AGPS: variants seen among roughly 807,000 people sequenced by gnomAD.
The protein encoded by AGPS is alkylglycerone phosphate synthase.
Under a neutral mutation model 90.7 loss-of-function variants are expected in AGPS, and 26 were observed. That is an observed-to-expected ratio of 0.29 (90% confidence interval 0.21 to 0.40). The LOEUF (loss-of-function observed/expected upper bound fraction) is 0.40, where lower values mean the gene tolerates loss of function less well. AGPS is among the 10% of genes least tolerant of loss of function. AGPS has a pLI of 1.00. For missense variants in AGPS, 540 were observed against 816.1 expected (o/e 0.66, Z 4.12); for synonymous variants, 294 against 285.3 (o/e 1.03, Z -0.31).
chr2:177,456,609 T>C (rs1221204475), intron 8 of AGPS, among the ~76,000 whole-genome samples: 2 of 152,198 alleles, frequency 1.3e-5, no homozygotes, highest in Admixed American at 1.3e-4. Context: ...CTGGTTTTTT[T>C]GGTATCTGTA....
rs1006695222 is a variant in AGPS at position 177,411,649 on chromosome 2, A to G, written c.261-8620A>G. 2.0e-5 allele frequency among the ~76,000 whole-genome samples: 3 copies of G among 152,290 alleles called. No homozygotes were observed. In the East Asian group the frequency reaches 5.8e-4, roughly 29 times the overall value. Reference sequence around the variant, plus strand: ...TCTAGCAGTAACATTATATTTTTCCATGTCAGATCAAAGGATTGTCCTAAC... The same window carrying G: ...TCTAGCAGTAACATTATATTTTTCCGTGTCAGATCAAAGGATTGTCCTAAC... On this transcript the variant is annotated intron_variant, in intron 1 of 19. Coordinates refer to ENST00000264167, the MANE Select transcript of AGPS (RefSeq NM_003659.4).
Position 177,392,847 on chromosome 2 carries a change from G to A in AGPS, c.58G>A (p.Gly20Arg), listed in dbSNP as rs1012036383. The A allele has an allele frequency of 3.9e-5, 60 of 1,552,234 alleles. No individual in the cohort carries two copies. Among genetic ancestry groups the A allele is most frequent in the Non-Finnish European group, 5.0e-5 (58 of 1,153,706 alleles). The change falls in exon 1 of 20, where the codon GGG becomes AGG. Residue 20 changes from glycine to arginine, a missense_variant. Physicochemically the swap from Gly to Arg is moderately radical, Grantham distance 125 (BLOSUM62 -2). Around this residue, in one of 2 missense-constraint regions of AGPS, gnomAD observed 135 missense variants for 124.0 expected, o/e 1.09. Transcript: ENST00000264167. Reference protein sequence around the residue: ...GTGLGAGASYGSAADRDRDPD... With the variant: ...GTGLGAGASYRSAADRDRDPD... ...TGGCTTGGGCGCGGGCGCGAGCTAC[G>A]GGTCTGCAGCGGACCGGGACCGGGA...
At chr2:177,425,551 G>A (rs1228364699) in intron 2 of AGPS, among the ~76,000 whole-genome samples, 1 of 150,316 alleles carries the variant, frequency 6.7e-6, no homozygotes, top group East Asian at 2.0e-4. Flanking sequence ...AACCCGGGAG[G>A]TGGAGGTTGC....
chr2:177,419,017 G>A (rs559230221), intron 1 of AGPS, among the ~76,000 whole-genome samples: 1 of 152,002 alleles, frequency 6.6e-6, no homozygotes, highest in Admixed American at 6.5e-5. Flanking sequence ...TGAAGTTTTT[G>A]TAGAGGGACT....
At chr2:177,495,937 A>C (rs1420481903) in intron 12 of AGPS, among the ~76,000 whole-genome samples, 3 of 137,582 alleles carry the variant, frequency 2.2e-5, no homozygotes. Context: ...AAAAAAAAAA[A>C]ACAAACCCAC....
intron 9 of AGPS, 62 bp downstream of exon 9, chr2:177,462,080 AT>A: frequency 7.2e-7 from 1 of 1,392,022 alleles, no homozygotes; most frequent in South Asian, 1.3e-5. Flanking sequence ...TTATAAAATG[AT>A]TAGAAGCCTT....
intron 13 of AGPS, among the ~76,000 whole-genome samples, chr2:177,498,341 G>T (rs1688467945): frequency 6.7e-6 from 1 of 149,678 alleles, no homozygotes; most frequent in Admixed American, 6.6e-5. Flanking sequence ...AGGTGGTGGT[G>T]GGGGGTGTGC....
At chr2:177,507,238 AAACTT>A (rs1214235954) in intron 15 of AGPS, among the ~76,000 whole-genome samples, 5 of 152,084 alleles carry the variant, frequency 3.3e-5, no homozygotes, top group African/African-American at 1.2e-4. Context: ...CTTGAAGTGA[AAACTT>A]AACATATGTT....
chr2:177,442,272 G>C (rs1574370492), intron 6 of AGPS, 135 bp from the exon 7 acceptor site: 3 of 705,488 alleles, frequency 4.3e-6, no homozygotes. Context: ...TTTGCAAGTT[G>C]TATTTTGCAA....
intron 1 of AGPS, among the ~76,000 whole-genome samples, chr2:177,414,967 A>T (rs931858729): frequency 6.6e-6 from 1 of 151,148 alleles, no homozygotes; most frequent in African/African-American, 2.4e-5. Context: ...TATAAATAAT[A>T]TATCTGGATA....
rs139133686 is a variant in AGPS, at chr2:177,394,895, A to G, written c.260+1846A>G. Among the ~76,000 whole-genome samples, 381 of 152,326 alleles carry G rather than the reference A, an allele frequency of 2.5e-3. 3 individuals are homozygous for G. Among genetic ancestry groups the G allele is most frequent in the African/African-American group, 8.8e-3 (366 of 41,578 alleles). On this transcript the variant is annotated intron_variant, in intron 1 of 19. Coordinates refer to ENST00000264167, the MANE Select transcript of AGPS (RefSeq NM_003659.4). The stretch of plus-strand genomic sequence containing the variant: ...CTAAAGGCAGAGAGACTAGGAGACT[A>G]TTATTCCAGGGAGAAATGCTGGGAT...
intron 11 of AGPS, among the ~76,000 whole-genome samples, chr2:177,489,978 C>A (rs999048083): frequency 1.3e-5 from 2 of 152,174 alleles, no homozygotes; most frequent in Non-Finnish European, 2.9e-5. Context: ...TAGTAAATAA[C>A]ATGGGAGTGA....
intron 9 of AGPS, among the ~76,000 whole-genome samples, chr2:177,465,830 T>C (rs1360015165): frequency 6.6e-6 from 1 of 152,230 alleles, no homozygotes; most frequent in African/African-American, 2.4e-5. Context: ...TCTCCTTCTC[T>C]TTCCTCTCTT....
chr2:177,513,728 A>G (rs1264889525), intron 16 of AGPS, 91 bp from the exon 17 acceptor site: 1 of 926,240 alleles, frequency 1.1e-6, no homozygotes, highest in East Asian at 2.5e-5. Flanking sequence ...AAAATGTCAG[A>G]CTTGAATGAT....
chr2:177,507,954 G>T lies in AGPS; in HGVS notation c.1546-16G>T, dbSNP rs775963846. ...TCTGTTGTAGTTTCTTGATTTTTCT[G>T]TTTGTGTCTTAATAGGACTTGGCTT... On this transcript the variant is annotated splice_polypyrimidine_tract_variant and intron_variant, in intron 15 of 19. Transcript: ENST00000264167. 1 of 1,596,636 alleles carries T rather than the reference G, an allele frequency of 6.3e-7. No individual in the cohort carries two copies. The highest frequency in any genetic ancestry group is 2.2e-5 in the East Asian group (1 of 44,726).
chr2:177,425,014 C>T lies in AGPS; in HGVS notation c.350+4656C>T, dbSNP rs553297146. Among the ~76,000 whole-genome samples the T allele has an allele frequency of 1.1e-4, 16 of 152,188 alleles. 2 individuals are homozygous for T. In the Middle Eastern group the frequency reaches 0.01, roughly 97 times the overall value. ...TGCTCCGATTGCAAAAATTTTCTCC[C>T]GTTCTGTAGGTTGTCTGTTCACTCT... is the stretch of plus-strand genomic sequence containing the variant. On this transcript the variant is annotated intron_variant, in intron 2 of 19. Coordinates refer to ENST00000264167, the MANE Select transcript of AGPS (RefSeq NM_003659.4).
intron 16 of AGPS, among the ~76,000 whole-genome samples, chr2:177,511,212 A>G (rs995434350): frequency 6.6e-6 from 1 of 151,920 alleles, no homozygotes; most frequent in Non-Finnish European, 1.5e-5. Flanking sequence ...TGATTCTCCC[A>G]TCTTGGCCTC....
chr2:177,464,250 TATTTTTAACTTAA>T (rs1390831917), intron 9 of AGPS, among the ~76,000 whole-genome samples: 4 of 152,210 alleles, frequency 2.6e-5, no homozygotes, highest in Non-Finnish European at 4.4e-5. Flanking sequence ...CAGCACGTTT[TATTTTTAACTTAA>T]ATTTTTAACT....
intron 1 of AGPS, among the ~76,000 whole-genome samples, chr2:177,409,598 C>CG (rs1217051201): frequency 6.6e-6 from 1 of 152,076 alleles, no homozygotes; most frequent in Non-Finnish European, 1.5e-5. Context: ...CAGGAAAACT[C>CG]AAGTGCTGTT....
Sources: allele counts gnomAD v4.1 joint callset (sites outside exome capture counted in the v4.1 genomes callset), GRCh38; gene constraint gnomAD v4.1.1; regional missense constraint gnomAD v4.1.1; transcripts MANE v1.5; gene names NCBI Gene and HGNC (gene_info 2026-07-23, HGNC 2026-07-21).